FOXN3: variants seen among roughly 807,000 people sequenced by gnomAD.
FOXN3 encodes forkhead box N3, also known as forkhead box protein N3.
In FOXN3, 7 loss-of-function variants were observed where a neutral mutation model predicts 38.4. The ratio of observed to expected loss-of-function variants is 0.18; its 90% CI spans 0.10 to 0.34. The LOEUF (loss-of-function observed/expected upper bound fraction) is 0.34, where lower values mean the gene tolerates loss of function less well. Among genes scored for constraint, FOXN3 ranks in the 10% least tolerant of loss-of-function variants. The pLI is 1.00. For synonymous variants in FOXN3, 230 were observed against 242.2 expected (o/e 0.95, Z 0.47); for missense variants, 456 against 613.4 (o/e 0.74, Z 2.71).
At chr14:89,542,464 C>T (rs904853924) in intron 1 of FOXN3, among the ~76,000 whole-genome samples, 15 of 152,210 alleles carry the variant, frequency 9.9e-5, no homozygotes, top group African/African-American at 3.6e-4. Context: ...TCGAACGCCT[C>T]TGACAGACTT....
chr14:89,440,267 T>C (rs1202289861), intron 1 of FOXN3, among the ~76,000 whole-genome samples: 1 of 152,194 alleles, frequency 6.6e-6, no homozygotes, highest in East Asian at 1.9e-4. Context: ...TTTCCTGGCC[T>C]CTGGCTGCAG....
At chr14:89,351,170 T>A (rs1310559163) in intron 2 of FOXN3, 1 of 158,198 alleles carries the variant, frequency 6.3e-6, no homozygotes, top group Non-Finnish European at 1.4e-5. Context: ...TTCTAAAGTT[T>A]GGGGAAAAAA....
chr14:89,430,859 C>T (rs1253631160), intron 1 of FOXN3, among the ~76,000 whole-genome samples: 1 of 152,150 alleles, frequency 6.6e-6, no homozygotes, highest in Non-Finnish European at 1.5e-5. Context: ...CTGAATTGTG[C>T]CCTGCACACA....
chr14:89,206,864 C>T (rs887895890), intron 4 of FOXN3, among the ~76,000 whole-genome samples: 3 of 151,992 alleles, frequency 2.0e-5, no homozygotes, highest in Non-Finnish European at 4.4e-5. Flanking sequence ...AAGCCTAAGC[C>T]GTGCCTGGGA....
intron 1 of FOXN3, among the ~76,000 whole-genome samples, chr14:89,597,159 A>G (rs527584372): frequency 2.5e-4 from 38 of 152,304 alleles, no homozygotes; most frequent in African/African-American, 9.1e-4. Context: ...TTTTGCTGTC[A>G]TATTTTCATT....
intron 4 of FOXN3, among the ~76,000 whole-genome samples, chr14:89,211,333 A>G (rs571515546): frequency 1.3e-5 from 2 of 152,354 alleles, no homozygotes; most frequent in South Asian, 4.1e-4. Flanking sequence ...TCCTAATCAG[A>G]GCTTCAGTGT....
rs901512084 is a variant in FOXN3, at chr14:89,414,787, G to A, written c.-15+2084C>T. ...AGGATGGTCTCAATCTCTTGATCTC[G>A]TGATCCACCCGCCTCGGCCTCCCAA... On this transcript the variant is annotated intron_variant, in intron 1 of 5. Coordinates refer to ENST00000557258, the MANE Select transcript of FOXN3 (RefSeq NM_005197.4). Among the ~76,000 whole-genome samples, 6 of 152,004 alleles carry A rather than the reference G, an allele frequency of 3.9e-5. No homozygotes were observed. In the South Asian group the frequency reaches 1.2e-3, roughly 32 times the overall value.
intron 4 of FOXN3, among the ~76,000 whole-genome samples, chr14:89,246,039 T>C (rs1408362343): frequency 6.6e-6 from 1 of 152,154 alleles, no homozygotes; most frequent in Non-Finnish European, 1.5e-5. Context: ...GTACAGGGTT[T>C]TTCCCCCGCA....
chr14:89,281,501 G>A (rs774507940), intron 3 of FOXN3, among the ~76,000 whole-genome samples: 6 of 152,154 alleles, frequency 3.9e-5, no homozygotes, highest in African/African-American at 7.2e-5. Flanking sequence ...GACCTTAATC[G>A]ATTTCCTCCT....
At chr14:89,540,510 G>A (rs771571412) in intron 1 of FOXN3, among the ~76,000 whole-genome samples, 4 of 152,112 alleles carry the variant, frequency 2.6e-5, no homozygotes, top group African/African-American at 4.8e-5. Context: ...CAAGGCGGGC[G>A]GATCGCGAGG....
chr14:89,180,989 GACACACACTCAC>G (rs1278797933), intron 4 of FOXN3, among the ~76,000 whole-genome samples, 183 bp from the exon 5 acceptor site: 5 of 149,276 alleles, frequency 3.3e-5, no homozygotes, highest in African/African-American at 1.3e-4. Flanking sequence ...GACATGCACA[GACACACACTCAC>G]ACAGTCATGC....
chr14:89,294,685 C>A (rs984888062), intron 3 of FOXN3, among the ~76,000 whole-genome samples: 2 of 152,176 alleles, frequency 1.3e-5, no homozygotes, highest in Admixed American at 1.3e-4. Context: ...GTCCTCACTG[C>A]TACACTCCCA....
intron 1 of FOXN3, among the ~76,000 whole-genome samples, chr14:89,515,806 G>A (rs1894188935): frequency 6.6e-6 from 1 of 152,168 alleles, no homozygotes; most frequent in Admixed American, 6.6e-5. Flanking sequence ...AAAAGTTAAA[G>A]GCTTGGTTTT....
chr14:89,475,010 T>G (rs1392975385), intron 1 of FOXN3, among the ~76,000 whole-genome samples: 1 of 151,118 alleles, frequency 6.6e-6, no homozygotes, highest in Non-Finnish European at 1.5e-5. Flanking sequence ...GAGATGGAGT[T>G]TCATCATGTT....
At chr14:89,551,740 G>A (rs1895010134) in intron 1 of FOXN3, among the ~76,000 whole-genome samples, 1 of 152,076 alleles carries the variant, frequency 6.6e-6, no homozygotes. Context: ...CTCATGACAC[G>A]CTTGTGGAAC....
chr14:89,314,913 T>A (rs1460987222), intron 3 of FOXN3, among the ~76,000 whole-genome samples: 1 of 152,196 alleles, frequency 6.6e-6, no homozygotes, highest in Non-Finnish European at 1.5e-5. Context: ...GACACTCTCA[T>A]AAACTCAGCC....
intron 4 of FOXN3, among the ~76,000 whole-genome samples, chr14:89,189,125 C>A (rs1887881636): frequency 6.6e-6 from 1 of 152,098 alleles, no homozygotes; most frequent in Non-Finnish European, 1.5e-5. Flanking sequence ...TTTCTTGGGT[C>A]TTTTAAAATA....
intron 2 of FOXN3, among the ~76,000 whole-genome samples, chr14:89,359,169 G>A (rs1889353686): frequency 6.6e-6 from 1 of 152,060 alleles, no homozygotes; most frequent in Non-Finnish European, 1.5e-5. Flanking sequence ...GGTGACAGGT[G>A]CCTATAATCC....
intron 1 of FOXN3, among the ~76,000 whole-genome samples, chr14:89,528,310 T>A (rs997046330): frequency 1.5e-5 from 2 of 137,514 alleles, no homozygotes; most frequent in Non-Finnish European, 3.1e-5. Context: ...GATATATCCA[T>A]ACAATGGAAT....
Sources: allele counts gnomAD v4.1 joint callset (sites outside exome capture counted in the v4.1 genomes callset), GRCh38; gene constraint gnomAD v4.1.1; transcripts MANE v1.5; gene names NCBI Gene and HGNC (gene_info 2026-07-23, HGNC 2026-07-21).